The following GREB1 variants were observed in gnomAD, a reference collection of about 807,000 sequenced individuals.
The protein encoded by GREB1 is growth regulating estrogen receptor binding 1.
Under a neutral mutation model 200.7 loss-of-function variants are expected in GREB1, and 106 were observed. The observed-to-expected ratio is 0.53, with a 90% CI of 0.45 to 0.62. The LOEUF is 0.62. GREB1 is among the 20% of genes least tolerant of loss of function. The pLI is 0.00. For missense variants in GREB1, 2,243 were observed against 2,556.8 expected, an observed-to-expected ratio of 0.88 and a Z score of 2.65; for synonymous variants, 1,132 against 1,092.4, an observed-to-expected ratio of 1.04 and a Z score of -0.72.
At chr2:11,511,892 C>A (rs955094352) in intron 1 of GREB1, among the ~76,000 whole-genome samples, 1 of 152,078 alleles carries the variant, frequency 6.6e-6, no homozygotes, top group Non-Finnish European at 1.5e-5. Context: ...AGCGCTGGTC[C>A]GTGGAGGAGA....
At chr2:11,582,288 G>C (rs767867481) in intron 7 of GREB1, among the ~76,000 whole-genome samples, 1 of 152,314 alleles carries the variant, frequency 6.6e-6, no homozygotes, top group East Asian at 1.9e-4. Flanking sequence ...GCCATGCTCC[G>C]TGGAGGGGTG....
chr2:11,601,010 G>A lies in GREB1; in HGVS notation c.2529+15G>A. ...CCTGCAGTAATGTGAGTGCCACGGG[G>A]CTGCTGGGCCCTTGTGTAGCAATAT... is the stretch of plus-strand genomic sequence containing the variant. On this transcript the variant is annotated intron_variant, in intron 16 of 32. Coordinates refer to ENST00000381486, the MANE Select transcript of GREB1 (RefSeq NM_014668.4). 1 of 1,597,970 alleles carries A rather than the reference G, an allele frequency of 6.3e-7. No individual in the cohort carries two copies. The highest frequency in any genetic ancestry group is 8.6e-7 in the Non-Finnish European group (1 of 1,167,502).
chr2:11,540,287 T>C (rs1458903774), intron 1 of GREB1, among the ~76,000 whole-genome samples: 4 of 152,192 alleles, frequency 2.6e-5, no homozygotes, highest in African/African-American at 9.6e-5. Context: ...CGGGTGTCCT[T>C]ATTTTTATTG....
chr2:11,618,872 G>A lies in GREB1; in HGVS notation c.3997G>A (p.Val1333Met), dbSNP rs765828865. 2.3e-5 allele frequency: 37 copies of A among 1,574,636 alleles called. No individual in the cohort carries two copies. The East Asian group carries it at 2.9e-4, about 12-fold the overall frequency. ...MDYGNRAEGR[V>M]DGFHPRRLLL... ...CTACGGCAACCGGGCCGAGGGCCGC[G>A]TGGACGGCTTCCACCCCCGCAGGCT... The change falls in exon 22 of 33, where the codon GTG (valine) becomes ATG (methionine). Residue 1333 changes from valine to methionine, a missense_variant. Transcript: ENST00000381486.
At chr2:11,531,753 T>G (rs1466759380), upstream of GREB1, among the ~76,000 whole-genome samples, 4 of 152,138 alleles carry the variant, frequency 2.6e-5, no homozygotes, top group Non-Finnish European at 4.4e-5. Flanking sequence ...GTATTTTTAG[T>G]AGGGACAGGG....
rs1679299330 is a variant in GREB1 at position 11,580,012 on chromosome 2, G to T, written c.773-692G>T. Among the ~76,000 whole-genome samples, 1 of 152,192 alleles carries T rather than the reference G, an allele frequency of 6.6e-6. No homozygotes were observed. The highest frequency in any genetic ancestry group is 1.5e-5 in the Non-Finnish European group (1 of 68,042). On this transcript the variant is annotated intron_variant, in intron 6 of 32. Transcript: ENST00000381486. The surrounding 1 kb of genome is among the most constrained non-coding windows in gnomAD (Gnocchi z 4.5). ...ATGGCTGTGGAGGCCTCACAATCAT[G>T]GCAAAAGGCAAAGGAGAAGCAAAGG...
At chr2:11,546,884 ACAG>A (rs1349676610) in intron 1 of GREB1, among the ~76,000 whole-genome samples, 3 of 152,250 alleles carry the variant, frequency 2.0e-5, no homozygotes, top group East Asian at 3.9e-4. Context: ...TAATGATAAT[ACAG>A]ATTTATAACT....
At position 11,616,691 on chromosome 2, in the gene GREB1, C is replaced by G; in HGVS notation, c.3383C>G (p.Ala1128Gly). 6.2e-7 allele frequency: 1 copy of G among 1,611,728 alleles called. No individual in the cohort carries two copies. The highest frequency in any genetic ancestry group is 8.5e-7 in the Non-Finnish European group (1 of 1,177,798). ...KRERSRSHDS[A>G]SSSLSSKASG... ...GAGAGGTCCCGCTCCCACGACTCAG[C>G]ATCCTCATCCCTCTCCTCCAAGGCT... Residue 1128 changes from alanine (A) to glycine (G), a missense_variant, in exon 21 of 33, where the codon GCA becomes GGA. By Grantham distance (60) the Ala-to-Gly change is moderately conservative. This residue lies in a region of GREB1 where 587 missense variants were observed against 553.1 expected (regional missense o/e 1.06). Coordinates refer to ENST00000381486, the MANE Select transcript of GREB1 (RefSeq NM_014668.4).
At chr2:11,576,224 T>C (rs956588896) in intron 4 of GREB1, 129 bp from the exon 5 acceptor site, 11 of 715,752 alleles carry the variant, frequency 1.5e-5, no homozygotes, top group Middle Eastern at 7.8e-4. Flanking sequence ...GGAGAATCAC[T>C]TGAACCTGGG....
At position 11,589,565 on chromosome 2, in the gene GREB1, C is replaced by T. The variant is rs574690914; in HGVS notation, c.1345+634C>T. Among the ~76,000 whole-genome samples the T allele has an allele frequency of 3.3e-5, 5 of 152,298 alleles. No individual in the cohort carries two copies. The South Asian group carries it at 1.0e-3, about 32-fold the overall frequency. On this transcript the variant is annotated intron_variant, in intron 10 of 32. Coordinates refer to ENST00000381486, the MANE Select transcript of GREB1 (RefSeq NM_014668.4). ...GGTCAAGGGTGTGATTCTATGTAGA[C>T]ACATTGAGAAGCCATTGGAGTATTT... is the stretch of plus-strand genomic sequence containing the variant.
At chr2:11,551,003 C>T (rs1184057007) in intron 1 of GREB1, among the ~76,000 whole-genome samples, 1 of 152,134 alleles carries the variant, frequency 6.6e-6, no homozygotes, top group Non-Finnish European at 1.5e-5. Context: ...TCATTCTACC[C>T]GAGTCCTCTA....
At chr2:11,602,355 C>T (rs1214205301) in intron 16 of GREB1, 51 bp from the exon 17 acceptor site, 2 of 1,576,270 alleles carry the variant, frequency 1.3e-6, no homozygotes, top group African/African-American at 1.3e-5. Flanking sequence ...GAACCTCTGA[C>T]CGTCCCTGCG....
intron 5 of GREB1, among the ~76,000 whole-genome samples, chr2:11,578,044 T>C (rs1679057525): frequency 6.6e-6 from 1 of 152,226 alleles, no homozygotes; most frequent in Admixed American, 6.5e-5. Context: ...TGTGTAATTT[T>C]TCCCTTTCTT....
At chr2:11,506,404 C>T (rs1167393192) in intron 1 of GREB1, among the ~76,000 whole-genome samples, 4 of 152,144 alleles carry the variant, frequency 2.6e-5, no homozygotes, top group African/African-American at 9.7e-5. Flanking sequence ...GGTAAGAGCA[C>T]CTGAGGCCCA....
rs1378301930 is a variant in GREB1, at chr2:11,598,862, T to C, written c.2333+2T>C. ...CCATGCGCACTGGGATCTTGTGAGG[T>C]TAGATTGACTTGATATATGACAAGT... On this transcript the variant is annotated splice_donor_variant, in intron 15 of 32. Transcript: ENST00000381486. LOFTEE classifies it high-confidence loss of function. 1 of 1,610,732 alleles carries C rather than the reference T, an allele frequency of 6.2e-7. No individual in the cohort carries two copies. Among genetic ancestry groups the C allele is most frequent in the Admixed American group, 1.7e-5 (1 of 59,990 alleles).
intron 9 of GREB1, chr2:11,588,213 G>A (rs1680364635): frequency 2.2e-6 from 2 of 893,564 alleles, no homozygotes; most frequent in South Asian, 4.3e-5. Context: ...CGGGGACAGA[G>A]CAAGACACTG....
chr2:11,567,979 G>A (rs900196195), intron 4 of GREB1, among the ~76,000 whole-genome samples: 1 of 152,158 alleles, frequency 6.6e-6, no homozygotes, highest in South Asian at 2.1e-4. Flanking sequence ...CTGTGGGTCC[G>A]GCCCCTCCGT....
In GREB1 at chr2:11,592,641, T is replaced by C. The variant is rs532681045; in HGVS notation, c.1346-135T>C. The stretch of plus-strand genomic sequence containing the variant: ...TGAGATTGTGGCGGATTTTATGCCC[T>C]CCCCTCGTGCTCCAGCCATCTGTGA... On this transcript the variant is annotated intron_variant, in intron 10 of 32. Coordinates refer to ENST00000381486, the MANE Select transcript of GREB1 (RefSeq NM_014668.4). 507 of 553,338 alleles carry C rather than the reference T, an allele frequency of 9.2e-4. 2 individuals carry two copies. The highest frequency in any genetic ancestry group is 6.9e-3 in the East Asian group (203 of 29,328). 34.3% of individuals were successfully genotyped at this position (553,338 alleles called of 1,614,324 possible). A position where few individuals can be genotyped will look rare whatever the true frequency, so the allele number is the denominator to read the frequency against.
At chr2:11,627,937 G>A (rs1684598472) in intron 25 of GREB1, among the ~76,000 whole-genome samples, 1 of 152,216 alleles carries the variant, frequency 6.6e-6, no homozygotes, top group Non-Finnish European at 1.5e-5. Context: ...TAAGATGAAG[G>A]GAGAGGGACA....
Sources: allele counts gnomAD v4.1 joint callset (sites outside exome capture counted in the v4.1 genomes callset), GRCh38; gene constraint gnomAD v4.1.1; regional missense constraint gnomAD v4.1.1; non-coding constraint Gnocchi (gnomAD v3.1); transcripts MANE v1.5; gene names NCBI Gene and HGNC (gene_info 2026-07-23, HGNC 2026-07-21).